Variants in CCT3 observed in about 807,000 individuals in gnomAD.
The protein encoded by CCT3 is chaperonin containing TCP1 subunit 3.
CCT3 carries 10 observed loss-of-function variants against 65.3 expected under a neutral mutation model. The observed-to-expected ratio is 0.15, with a 90% CI of 0.09 to 0.26. The LOEUF (loss-of-function observed/expected upper bound fraction) is 0.26. Ranked by LOEUF, CCT3 falls within the 10% of genes least tolerant of loss-of-function variation. The pLI is 1.00. For missense variants in CCT3, 626 were observed against 708.7 expected, an observed-to-expected ratio of 0.88 and a Z score of 1.33; for synonymous variants, 225 against 242.3, an observed-to-expected ratio of 0.93 and a Z score of 0.66.
At chr1:156,321,837 G>A (rs748722505) in intron 6 of CCT3, among the ~76,000 whole-genome samples, 6 of 151,990 alleles carry the variant, frequency 3.9e-5, no homozygotes, top group Non-Finnish European at 5.9e-5. Context: ...GTGAGATTCC[G>A]TCTCAAAAAA....
chr1:156,310,533 G>A lies in CCT3; in HGVS notation c.1533+25C>T, dbSNP rs115667984. 1.9e-3 allele frequency: 2,932 copies of A among 1,565,342 alleles called. 53 individuals carry two copies. The African/African-American group carries it at 0.036, about 19-fold the overall frequency. The stretch of plus-strand genomic sequence containing the variant: ...AAATAAATAAATTAATTAAAACAGC[G>A]TGTACATATCTTAGGGTGCCTTACC... On this transcript the variant is annotated intron_variant, in intron 13 of 13. Transcript: ENST00000295688.
chr1:156,328,666 G>A (rs558743479), intron 5 of CCT3, among the ~76,000 whole-genome samples: 10 of 151,692 alleles, frequency 6.6e-5, no homozygotes, highest in East Asian at 1.9e-4. Flanking sequence ...CAGCATGCTC[G>A]TTAAGAGTCA....
chr1:156,318,611 C>G (rs1244680190), intron 8 of CCT3, among the ~76,000 whole-genome samples: 3 of 152,106 alleles, frequency 2.0e-5, no homozygotes, highest in Non-Finnish European at 2.9e-5. Flanking sequence ...ATAAAACAAG[C>G]CAAACACAAC....
chr1:156,336,012 T>C (rs754347804), intron 1 of CCT3, 124 bp from the exon 2 acceptor site: 20 of 667,002 alleles, frequency 3.0e-5, no homozygotes, highest in Non-Finnish European at 4.9e-5. Flanking sequence ...GCAAAGCTTA[T>C]CAAACTCTAC....
chr1:156,310,705 G>C lies in CCT3; in HGVS notation c.1402-16C>G. The C allele has an allele frequency of 1.2e-6, 2 of 1,612,338 alleles. No individual in the cohort carries two copies. Among genetic ancestry groups the C allele is most frequent in the Admixed American group, 1.7e-5 (1 of 59,424 alleles). The stretch of plus-strand genomic sequence containing the variant: ...TGTGCTTGGCCTGCAATTGAAGCAA[G>C]AAGTAAAGGGGAAAATAAGTTAACA... On this transcript the variant is annotated splice_polypyrimidine_tract_variant and intron_variant, in intron 12 of 13. Coordinates refer to ENST00000295688, the MANE Select transcript of CCT3 (RefSeq NM_005998.5).
chr1:156,326,608 C>T (rs1339059713), intron 5 of CCT3, among the ~76,000 whole-genome samples: 1 of 139,966 alleles, frequency 7.1e-6, no homozygotes, highest in Non-Finnish European at 1.5e-5. Context: ...CAAGATCGTG[C>T]CATTGCACTC....
rs547097516 is a variant in CCT3 at position 156,310,843 on chromosome 1, AG to A, written c.1401+106del. Reference sequence around the variant, plus strand: ...AGACTAAAAGGAGAGAAAGATTTCAAGGAATAGACTATAAAGAGAATTTGGA... The same window carrying A: ...AGACTAAAAGGAGAGAAAGATTTCAAGAATAGACTATAAAGAGAATTTGGA... On this transcript the variant is annotated intron_variant, in intron 12 of 13. Coordinates refer to ENST00000295688, the MANE Select transcript of CCT3 (RefSeq NM_005998.5). The A allele has an allele frequency of 3.0e-4, 447 of 1,480,826 alleles. 2 individuals are homozygous for A. The South Asian group carries it at 3.6e-3, about 12-fold the overall frequency. 91.7% of individuals were successfully genotyped at this position (1,480,826 alleles called of 1,614,324 possible). A position where few individuals can be genotyped will look rare whatever the true frequency, so the allele number is the denominator to read the frequency against.
chr1:156,325,780 T>C (rs539297780), intron 5 of CCT3, among the ~76,000 whole-genome samples: 2 of 151,928 alleles, frequency 1.3e-5, no homozygotes, highest in South Asian at 4.2e-4. Context: ...GGTTTTACTA[T>C]GTTGGTTGGC....
intron 6 of CCT3, among the ~76,000 whole-genome samples, chr1:156,322,597 C>T (rs2101649663): frequency 6.6e-6 from 1 of 151,606 alleles, no homozygotes; most frequent in East Asian, 2.0e-4. Context: ...GTGGCTCACG[C>T]CTGTAATCCC....
Position 156,327,874 on chromosome 1 carries a change from G to C in CCT3, c.305-2785C>G, listed in dbSNP as rs1388631627. On this transcript the variant is annotated intron_variant, in intron 5 of 13. Transcript: ENST00000295688. Reference sequence around the variant, plus strand: ...CTCTGCCCGGCCGCCCATCGTCTGGGATGTGGGGAGCACCTCTGCCCCACC... The same window carrying C: ...CTCTGCCCGGCCGCCCATCGTCTGGCATGTGGGGAGCACCTCTGCCCCACC... Among the ~76,000 whole-genome samples, 5 of 148,016 alleles carry C rather than the reference G, an allele frequency of 3.4e-5. No individual in the cohort carries two copies. The East Asian group carries it at 9.9e-4, about 29-fold the overall frequency.
chr1:156,313,072 G>C (rs1289582007), intron 10 of CCT3, among the ~76,000 whole-genome samples: 2 of 152,204 alleles, frequency 1.3e-5, no homozygotes, highest in African/African-American at 4.8e-5. Flanking sequence ...GGCTGGGCTT[G>C]GTGGCTTACG....
At chr1:156,322,568 A>G (rs755082413) in intron 6 of CCT3, among the ~76,000 whole-genome samples, 2 of 150,944 alleles carry the variant, frequency 1.3e-5, no homozygotes, top group Non-Finnish European at 1.5e-5. Context: ...AAAAAAAAAA[A>G]TATTTCAGGC....
Position 156,335,079 on chromosome 1 carries a change from C to T in CCT3, c.94-161G>A, listed in dbSNP as rs117000208. On this transcript the variant is annotated intron_variant, in intron 2 of 13. Coordinates refer to ENST00000295688, the MANE Select transcript of CCT3 (RefSeq NM_005998.5). ...AGATATGGGGTCTCACCATGTTGCT[C>T]GGGCTGGTCTCAAACCCCTGGGCCC... is the stretch of plus-strand genomic sequence containing the variant. The T allele has an allele frequency of 1.9e-3, 1,146 of 611,618 alleles. 31 individuals carry two copies. The East Asian group carries it at 0.027, about 14-fold the overall frequency. The allele number at this position is 611,618 out of a possible 1,614,324, so 37.9% of individuals were successfully genotyped here. A position where few individuals can be genotyped will look rare whatever the true frequency, so the allele number is the denominator to read the frequency against.
At chr1:156,329,126 A>T (rs1190336025) in intron 5 of CCT3, among the ~76,000 whole-genome samples, 1 of 152,180 alleles carries the variant, frequency 6.6e-6, no homozygotes, top group Admixed American at 6.6e-5. Flanking sequence ...ACTGTATTAT[A>T]ACTGTATTCA....
chr1:156,334,341 T>C (rs1234174955), intron 4 of CCT3, among the ~76,000 whole-genome samples: 1 of 152,116 alleles, frequency 6.6e-6, no homozygotes, highest in Non-Finnish European at 1.5e-5. Context: ...CCAAGTTAGA[T>C]AAGGTCATTC....
chr1:156,338,274 C>G lies in CCT3; in HGVS notation c.-90G>C. 2 of 1,373,552 alleles carry G rather than the reference C, an allele frequency of 1.5e-6. No homozygotes were observed. Among genetic ancestry groups the G allele is most frequent in the Non-Finnish European group, 1.0e-6 (1 of 987,078 alleles). The allele number at this position is 1,373,552 out of a possible 1,614,324, so 85.1% of individuals were successfully genotyped here. A position where few individuals can be genotyped will look rare whatever the true frequency, so the allele number is the denominator to read the frequency against. On this transcript the variant is annotated 5_prime_UTR_variant, in exon 1 of 14. Transcript: ENST00000295688. Reference sequence around the variant, plus strand: ...GAACCAGACAGAAGCCCAGAAAACGCTGCCTCCTCAGGGCTTACACCTCAA... The same window carrying G: ...GAACCAGACAGAAGCCCAGAAAACGGTGCCTCCTCAGGGCTTACACCTCAA...
Position 156,318,849 on chromosome 1 carries a change from A to G in CCT3, c.759+19T>C, listed in dbSNP as rs762742556. 2 of 1,603,316 alleles carry G rather than the reference A, an allele frequency of 1.2e-6. No homozygotes were observed. On this transcript the variant is annotated intron_variant, in intron 8 of 13. Transcript: ENST00000295688. ...CAGATTCTTGCATCTACTTTAAGGA[A>G]CAAGGCCAAGAACCTTACCTGGCTT...
chr1:156,310,576 A>C lies in CCT3; in HGVS notation c.1515T>G (p.Thr505=), dbSNP rs753082041. 1 of 1,613,708 alleles carries C rather than the reference A, an allele frequency of 6.2e-7. No homozygotes were observed. Among genetic ancestry groups the C allele is most frequent in the Non-Finnish European group, 8.5e-7 (1 of 1,179,696 alleles). The change falls in exon 13 of 14, where the codon ACT becomes ACG. Residue 505 remains threonine, a synonymous_variant. Coordinates refer to ENST00000295688, the MANE Select transcript of CCT3 (RefSeq NM_005998.5). ...IWEPLAVKLQ[T]YKTAVETAVL... ...GCCTTACCTCCACTGCTGTCTTATAAGTCTGCAGCTTCACAGCCAATGGCT... is the reference window on the plus strand; with the variant it reads ...GCCTTACCTCCACTGCTGTCTTATACGTCTGCAGCTTCACAGCCAATGGCT...
chr1:156,333,277 G>A (rs1387405246), intron 5 of CCT3: 61 of 331,706 alleles, frequency 1.8e-4, no homozygotes, highest in Non-Finnish European at 1.7e-5. Flanking sequence ...TGGTGACAGA[G>A]TGAGACTCTG....
Sources: allele counts gnomAD v4.1 joint callset (sites outside exome capture counted in the v4.1 genomes callset), GRCh38; gene constraint gnomAD v4.1.1; transcripts MANE v1.5; gene names NCBI Gene and HGNC (gene_info 2026-07-23, HGNC 2026-07-21).